Variants in CDH8 observed in about 807,000 individuals in gnomAD.
The protein encoded by CDH8 is cadherin 8.
A neutral mutation model predicts 68.1 loss-of-function variants in CDH8; 17 were observed. That is an observed-to-expected ratio of 0.25 (90% CI 0.17 to 0.37). CDH8 has a LOEUF of 0.37. Ranked by LOEUF, CDH8 falls within the 10% of genes least tolerant of loss-of-function variation. CDH8 has a pLI of 1.00. For synonymous variants in CDH8, 372 were observed against 365.1 expected (o/e 1.02, Z -0.21); for missense variants, 763 against 999.3 (o/e 0.76, Z 3.19).
chr16:62,010,506 C>CTCTCTTCATTACTTT (rs1901780999), intron 2 of CDH8, among the ~76,000 whole-genome samples: 1 of 152,174 alleles, frequency 6.6e-6, no homozygotes, highest in South Asian at 2.1e-4. Context: ...GTGACTTTCT[C>CTCTCTTCATTACTTT]CCGATCTGGT....
chr16:61,768,704 A>G (rs184962346), intron 8 of CDH8, among the ~76,000 whole-genome samples: 2 of 151,734 alleles, frequency 1.3e-5, no homozygotes, highest in East Asian at 2.0e-4. Flanking sequence ...TAATTACTCC[A>G]TACCAAGAAT....
At chr16:61,834,249 G>A (rs1479707445) in intron 4 of CDH8, among the ~76,000 whole-genome samples, 1 of 151,844 alleles carries the variant, frequency 6.6e-6, no homozygotes, top group Non-Finnish European at 1.5e-5. Flanking sequence ...CACAGTCACA[G>A]AGCCACTAAG....
intron 2 of CDH8, among the ~76,000 whole-genome samples, chr16:61,996,633 G>T (rs933313463): frequency 6.6e-6 from 1 of 152,060 alleles, no homozygotes; most frequent in African/African-American, 2.4e-5. Flanking sequence ...TAAACCCATG[G>T]TTCAGTGGTA....
At chr16:61,977,319 T>C (rs917308396) in intron 2 of CDH8, among the ~76,000 whole-genome samples, 2 of 152,128 alleles carry the variant, frequency 1.3e-5, no homozygotes, top group African/African-American at 4.8e-5. Context: ...GGAAGTCTTG[T>C]ATTACAAATC....
chr16:61,731,843 T>C (rs905996634), intron 8 of CDH8, among the ~76,000 whole-genome samples: 2 of 151,728 alleles, frequency 1.3e-5, no homozygotes, highest in African/African-American at 4.8e-5. Context: ...TTAACATATA[T>C]TTAAAAAGGC....
At chr16:61,842,054 A>AT (rs543607290) in intron 4 of CDH8, among the ~76,000 whole-genome samples, 30,118 of 132,220 alleles carry the variant, frequency 0.23, 3,770 homozygotes, top group African/African-American at 0.33. Context: ...CGCCCGGCTA[A>AT]TTTTTTTTTT....
At chr16:61,675,663 T>C (rs1464097265) in intron 10 of CDH8, among the ~76,000 whole-genome samples, 1 of 150,560 alleles carries the variant, frequency 6.6e-6, no homozygotes, top group Non-Finnish European at 1.5e-5. Flanking sequence ...ATTTATGAAA[T>C]TTAAGAAATG....
intron 7 of CDH8, among the ~76,000 whole-genome samples, chr16:61,811,272 T>G (rs1368317285): frequency 6.6e-6 from 1 of 152,222 alleles, no homozygotes; most frequent in Non-Finnish European, 1.5e-5. Context: ...TGTGACTTAA[T>G]GAATTAATTA....
intron 10 of CDH8, among the ~76,000 whole-genome samples, chr16:61,695,695 A>C (rs1964311879): frequency 6.6e-6 from 1 of 152,234 alleles, no homozygotes; most frequent in South Asian, 2.1e-4. Context: ...GCACTGAAAT[A>C]ACTTATTTGA....
intron 10 of CDH8, among the ~76,000 whole-genome samples, chr16:61,706,089 A>C (rs1327844013): frequency 1.3e-5 from 2 of 152,226 alleles, no homozygotes; most frequent in African/African-American, 2.4e-5. Flanking sequence ...ACCTCAGAAG[A>C]CAGTGGGGAA....
chr16:61,852,043 C>T (rs1300730265), intron 4 of CDH8, among the ~76,000 whole-genome samples: 1 of 152,010 alleles, frequency 6.6e-6, no homozygotes, highest in Non-Finnish European at 1.5e-5. Flanking sequence ...ACACTAATAC[C>T]TACCTCAAAA....
At chr16:61,702,595 A>G (rs572785637) in intron 10 of CDH8, among the ~76,000 whole-genome samples, 1 of 152,280 alleles carries the variant, frequency 6.6e-6, no homozygotes, top group South Asian at 2.1e-4. Context: ...GATTGTTTCT[A>G]TCTTTCTGTT....
Position 62,009,874 on chromosome 16 carries a change from T to C in CDH8, c.252+11278A>G, listed in dbSNP as rs183784281. Among the ~76,000 whole-genome samples, 66 of 152,372 alleles carry C rather than the reference T, an allele frequency of 4.3e-4. 1 individual carries two copies. In the Middle Eastern group the frequency reaches 0.01, roughly 24 times the overall value. ...AATTTTCAATAAAACCATTTTTCTC[T>C]TCTTGTTACTCCTTCTCCATCATTT... On this transcript the variant is annotated intron_variant, in intron 2 of 11. Coordinates refer to ENST00000577390, the MANE Select transcript of CDH8 (RefSeq NM_001796.5).
rs959453877 is a variant in CDH8, at chr16:61,733,848, T to C, written c.1415-6633A>G. ...TCTTGAGCCCTCTATATCTCCTCCA[T>C]AGTTATCTACGACCACAGTGATCCA... is the stretch of plus-strand genomic sequence containing the variant. On this transcript the variant is annotated intron_variant, in intron 8 of 11. Coordinates refer to ENST00000577390, the MANE Select transcript of CDH8 (RefSeq NM_001796.5). 4.6e-5 allele frequency among the ~76,000 whole-genome samples: 7 copies of C among 152,150 alleles called. No homozygotes were observed. In the East Asian group the frequency reaches 1.2e-3, roughly 25 times the overall value.
chr16:61,782,334 A>G (rs1472416303), intron 8 of CDH8, among the ~76,000 whole-genome samples: 1 of 152,132 alleles, frequency 6.6e-6, no homozygotes, highest in Non-Finnish European at 1.5e-5. Flanking sequence ...TGACGGACGC[A>G]CCTGGAAAAT....
At chr16:61,807,627 G>A (rs200757233) in intron 7 of CDH8, among the ~76,000 whole-genome samples, 3 of 152,150 alleles carry the variant, frequency 2.0e-5, no homozygotes, top group Non-Finnish European at 2.9e-5. Flanking sequence ...TGCCAGAGAT[G>A]TGAGGGGCGT....
chr16:61,779,573 G>A (rs939009130), intron 8 of CDH8, among the ~76,000 whole-genome samples: 2 of 151,878 alleles, frequency 1.3e-5, no homozygotes, highest in African/African-American at 4.8e-5. Context: ...ACTATTCCTT[G>A]TTTGTTTGTT....
At position 61,843,971 on chromosome 16, in the gene CDH8, C is replaced by T. The variant is rs1018940920; in HGVS notation, c.667+13148G>A. On this transcript the variant is annotated intron_variant, in intron 4 of 11. Transcript: ENST00000577390. The stretch of plus-strand genomic sequence containing the variant: ...CTCATTGTGGTTTTGATTTGCATTT[C>T]TCTGAGTATGTTTATTGCGGCACTA... Among the ~76,000 whole-genome samples, 3 of 151,986 alleles carry T rather than the reference C, an allele frequency of 2.0e-5. No individual in the cohort carries two copies. The East Asian group carries it at 5.8e-4, about 29-fold the overall frequency.
intron 2 of CDH8, among the ~76,000 whole-genome samples, chr16:61,926,856 A>G (rs1007707973): frequency 6.6e-6 from 1 of 152,158 alleles, no homozygotes; most frequent in Non-Finnish European, 1.5e-5. Flanking sequence ...CATTTAAGAT[A>G]TTATGTACTT....
Sources: allele counts gnomAD v4.1 joint callset (sites outside exome capture counted in the v4.1 genomes callset), GRCh38; gene constraint gnomAD v4.1.1; transcripts MANE v1.5; gene names NCBI Gene and HGNC (gene_info 2026-07-23, HGNC 2026-07-21).